KRT78: variants seen among roughly 807,000 people sequenced by gnomAD.
KRT78 encodes the protein keratin 78.
A neutral mutation model predicts 51.4 loss-of-function variants in KRT78; 55 were observed. That is an observed-to-expected ratio of 1.07 (90% confidence interval 0.86 to 1.34). KRT78 has a LOEUF of 1.34. Among genes scored for constraint, KRT78 ranks in the 40% most tolerant of loss-of-function variants. The pLI is 0.00. For missense variants in KRT78, 652 were observed against 649.4 expected (o/e 1.00, Z -0.04); for synonymous variants, 291 against 264.3 (o/e 1.10, Z -0.98).
chr12:52,843,496 C>G (rs1206616332), intron 6 of KRT78, among the ~76,000 whole-genome samples: 1 of 151,200 alleles, frequency 6.6e-6, no homozygotes, highest in African/African-American at 2.4e-5. Context: ...TTGAGACCAG[C>G]CTGGCCAACA....
chr12:52,842,788 G>A (rs1940528912), intron 6 of KRT78, among the ~76,000 whole-genome samples: 1 of 151,078 alleles, frequency 6.6e-6, no homozygotes, highest in South Asian at 2.1e-4. Context: ...TGTGGTGGCA[G>A]GCACCTGTAA....
chr12:52,839,630 C>T, intron 7 of KRT78, 134 bp downstream of exon 7: 1 of 1,266,758 alleles, frequency 7.9e-7, no homozygotes, highest in Non-Finnish European at 1.1e-6. Flanking sequence ...TCCCTCTCTG[C>T]AGCGTCGGTT....
intron 5 of KRT78, 73 bp from the exon 6 acceptor site, chr12:52,844,291 A>G: frequency 6.7e-7 from 1 of 1,500,764 alleles, no homozygotes; most frequent in South Asian, 1.4e-5. Context: ...ATGTTTGAAA[A>G]GCCACCTCTC....
Position 52,839,041 on chromosome 12 carries a change from T to C in KRT78, c.*72A>G. The C allele has an allele frequency of 6.5e-7, 1 of 1,541,492 alleles. No homozygotes were observed. Among genetic ancestry groups the C allele is most frequent in the East Asian group, 2.3e-5 (1 of 44,298 alleles). ...TGGGCTGTGGGCAGCGGACACGGAG[T>C]TGGCCTTGCAGAGCCGGCTGATGGG... On this transcript the variant is annotated 3_prime_UTR_variant, in exon 9 of 9. Coordinates refer to ENST00000304620, the MANE Select transcript of KRT78 (RefSeq NM_173352.4).
rs61764061 is a variant in KRT78 at position 52,844,603 on chromosome 12, C to A, written c.877G>T (p.Ala293Ser). ...TCAGCCTCAGCCTTGCTGCTCCGGG[C>A]GATCTCCTCGTACCGGGCGCGGACC... Reference protein sequence around the residue: ...TEVRARYEEIARSSKAEAEAL... With the variant: ...TEVRARYEEISRSSKAEAEAL... Residue 293 changes from alanine (A) to serine (S), a missense_variant, in exon 5 of 9, where the codon GCC (alanine) becomes TCC (serine). Physicochemically the swap from Ala to Ser is moderately conservative, Grantham distance 99. Transcript: ENST00000304620. 1.2e-6 allele frequency: 2 copies of A among 1,613,982 alleles called. No homozygotes were observed. The highest frequency in any genetic ancestry group is 1.1e-5 in the South Asian group (1 of 91,060).
intron 5 of KRT78, 77 bp downstream of exon 5, chr12:52,844,482 G>T (rs962581488): frequency 6.6e-7 from 1 of 1,520,044 alleles, no homozygotes; most frequent in Non-Finnish European, 8.9e-7. Flanking sequence ...ATGGGATCGA[G>T]GTGGATGACC....
chr12:52,848,410 C>G (rs974631270), intron 1 of KRT78, 137 bp downstream of exon 1: 4 of 1,425,196 alleles, frequency 2.8e-6, no homozygotes, highest in Non-Finnish European at 3.8e-6. Flanking sequence ...CCAGTTAGTC[C>G]ACAGGAGGGA....
intron 6 of KRT78, among the ~76,000 whole-genome samples, chr12:52,842,678 G>A (rs1261742824): frequency 6.6e-6 from 1 of 152,054 alleles, no homozygotes; most frequent in African/African-American, 2.4e-5. Flanking sequence ...AGCACTTTGG[G>A]AGGCTGAAGC....
intron 3 of KRT78, 40 bp downstream of exon 3, chr12:52,846,724 A>G: frequency 6.4e-7 from 1 of 1,574,604 alleles, no homozygotes; most frequent in Non-Finnish European, 8.7e-7. Flanking sequence ...TGCACAGTGG[A>G]TGCTCAGAAC....
Position 52,839,347 on chromosome 12 carries a change from C to T in KRT78, c.1329G>A (p.Met443Ile). 6.2e-7 allele frequency: 1 copy of T among 1,613,894 alleles called. No homozygotes were observed. ...TISSVGGSAV[M>I]SGGVGGGLGS... ...CCAAGCCTCCACCAACTCCTCCAGA[C>T]ATGACAGCGCTGCCTCCCACCGAGG... Residue 443 changes from methionine (M) to isoleucine (I), a missense_variant, in exon 9 of 9, where the codon ATG becomes ATA. Met to Ile is a conservative substitution (Grantham distance 10). Coordinates refer to ENST00000304620, the MANE Select transcript of KRT78 (RefSeq NM_173352.4).
At chr12:52,848,345 C>G in intron 1 of KRT78, 1 of 1,466,064 alleles carries the variant, frequency 6.8e-7, no homozygotes. Flanking sequence ...TGGCAGTTCT[C>G]TGTCCCTGAG....
At position 52,844,218 on chromosome 12, in the gene KRT78, A is replaced by C. The variant is rs557615020; in HGVS notation, c.922T>G (p.Tyr308Asp). ...AEAEALYQTKYQELQVSAQLH... is the reference protein window; with the variant it reads ...AEAEALYQTKDQELQVSAQLH... ...TGGGCAGACACCTGAAGTTCCTGGTACTGAGAGGGGAACAGAGGGGACACC... is the reference window on the plus strand; with the variant it reads ...TGGGCAGACACCTGAAGTTCCTGGTCCTGAGAGGGGAACAGAGGGGACACC... The change falls in exon 6 of 9, where the codon TAC becomes GAC. Residue 308 changes from tyrosine to aspartate, a missense_variant and splice_region_variant. Tyr to Asp is a radical substitution (Grantham distance 160). Transcript: ENST00000304620. 808 of 1,596,536 alleles carry C rather than the reference A, an allele frequency of 5.1e-4. 14 individuals are homozygous for C. In the South Asian group the frequency reaches 8.5e-3, roughly 17 times the overall value.
intron 4 of KRT78, 135 bp from the exon 5 acceptor site, chr12:52,844,858 C>G (rs1245016988): frequency 4.2e-6 from 3 of 716,284 alleles, no homozygotes; most frequent in East Asian, 2.8e-5. Flanking sequence ...TTTGAGTATG[C>G]CCTGCTCACC....
In KRT78 at chr12:52,839,183, G is replaced by A. The variant is rs1228321087; in HGVS notation, c.1493C>T (p.Ala498Val). 1 of 1,612,878 alleles carries A rather than the reference G, an allele frequency of 6.2e-7. No homozygotes were observed. Among genetic ancestry groups the A allele is most frequent in the Non-Finnish European group, 8.5e-7 (1 of 1,179,818 alleles). The change falls in exon 9 of 9, where the codon GCT (alanine) becomes GTT (valine). Residue 498 changes from alanine to valine, a missense_variant. Transcript: ENST00000304620. ...LDSCSVSGSS[A>V]GSSCHTILKK... ...CAGGATGGTGTGGCAGCTGGAGCCA[G>A]CGCTGGAGCCAGACACAGAGCAGGA...
At chr12:52,848,386 T>G (rs574689068) in intron 1 of KRT78, 161 bp downstream of exon 1, 1 of 1,402,390 alleles carries the variant, frequency 7.1e-7, no homozygotes, top group African/African-American at 1.4e-5. Context: ...GGCCTCAGCA[T>G]AGCCAGAGAG....
At chr12:52,841,520 C>T (rs1163880574) in intron 6 of KRT78, among the ~76,000 whole-genome samples, 1 of 151,552 alleles carries the variant, frequency 6.6e-6, no homozygotes, top group African/African-American at 2.4e-5. Context: ...AATCCTTTTA[C>T]TTACAATAGA....
At position 52,839,676 on chromosome 12, in the gene KRT78, G is replaced by A. The variant is rs1191445347; in HGVS notation, c.1268+88C>T. On this transcript the variant is annotated intron_variant, in intron 7 of 8. Coordinates refer to ENST00000304620, the MANE Select transcript of KRT78 (RefSeq NM_173352.4). Reference sequence around the variant, plus strand: ...ACTCACAATGTCAGGAAATCTCTCAGAATCCTCTTTAGCAAGCAGCTCACT... The same window carrying A: ...ACTCACAATGTCAGGAAATCTCTCAAAATCCTCTTTAGCAAGCAGCTCACT... 3 of 1,398,808 alleles carry A rather than the reference G, an allele frequency of 2.1e-6. No homozygotes were observed. The African/African-American group carries it at 4.2e-5, about 20-fold the overall frequency. The allele number at this position is 1,398,808 out of a possible 1,614,324, so 86.6% of individuals were successfully genotyped here.
intron 6 of KRT78, among the ~76,000 whole-genome samples, chr12:52,843,688 C>CAAAAAAAAAAAAAA (rs1158055717): frequency 9.5e-5 from 6 of 63,186 alleles, no homozygotes; most frequent in African/African-American, 2.6e-4. Flanking sequence ...GACTCTGTCT[C>CAAAAAAAAAAAAAA]AAAAAAAAAA....
Position 52,839,217 on chromosome 12 carries a change from C to G in KRT78, c.1459G>C (p.Val487Leu), listed in dbSNP as rs769211218. Residue 487 changes from valine (V) to leucine (L), a missense_variant, in exon 9 of 9, where the codon GTT becomes CTT. Physicochemically the swap from Val to Leu is conservative, Grantham distance 32 (BLOSUM62 1). Coordinates refer to ENST00000304620, the MANE Select transcript of KRT78 (RefSeq NM_173352.4). ...NIILGSGKDP[V>L]LDSCSVSGSS... ...CCAGACACAGAGCAGGAATCCAAAA[C>G]AGGGTCCTTCCCAGAGCCCAGAATG... 88 of 1,612,220 alleles carry G rather than the reference C, an allele frequency of 5.5e-5. No homozygotes were observed. Among genetic ancestry groups the G allele is most frequent in the Non-Finnish European group, 6.8e-5 (80 of 1,179,454 alleles).
Sources: gnomAD v4.1 joint callset for allele counts (sites outside exome capture counted in the v4.1 genomes callset) on GRCh38, gnomAD v4.1.1 for gene constraint, MANE v1.5 for transcripts, NCBI Gene and HGNC (gene_info 2026-07-23, HGNC 2026-07-21) for gene names.